BPIFB2: variants seen among roughly 807,000 people sequenced by gnomAD.
The protein encoded by BPIFB2 is BPI fold-containing family B member 2.
In BPIFB2, 39 loss-of-function variants were observed where a neutral mutation model predicts 50.1. The observed-to-expected ratio is 0.78, with a 90% CI of 0.60 to 1.02. The LOEUF (loss-of-function observed/expected upper bound fraction) is 1.02. Among genes scored for constraint, BPIFB2 ranks in the 50% least tolerant of loss-of-function variants. The pLI is 0.00. For synonymous variants in BPIFB2, 280 were observed against 256.3 expected (o/e 1.09, Z -0.88); for missense variants, 574 against 585.8 (o/e 0.98, Z 0.21).
rs1194667869 is a variant in BPIFB2 at position 33,019,070 on chromosome 20, T to A, written c.864T>A (p.Asp288Glu). 7 of 1,614,032 alleles carry A rather than the reference T, an allele frequency of 4.3e-6. No individual in the cohort carries two copies. The highest frequency in any genetic ancestry group is 5.9e-6 in the Non-Finnish European group (7 of 1,180,030). ...TGGGGTGCTGATTTCAGAGGTCGGA[T>A]GACAACCTGCTGAACACCTCTGCTC... ...NLDITGQLRS[D>E]DNLLNTSALG... Residue 288 changes from aspartate (D) to glutamate (E), a missense_variant, in exon 10 of 16, where the codon GAT becomes GAA. Asp to Glu is a conservative substitution (Grantham distance 45). Transcript: ENST00000170150.
In BPIFB2 at chr20:33,020,356, T is replaced by C; in HGVS notation, c.1109T>C (p.Val370Ala). Residue 370 changes from valine (V) to alanine (A), a missense_variant, in exon 12 of 16, where the codon GTG becomes GCG. Coordinates refer to ENST00000170150, the MANE Select transcript of BPIFB2 (RefSeq NM_025227.3). ...GTGAACTTGAGACTCCAGCTCTCTG[T>C]GTCCAAGGTGAAGCTTCAGGGGACC... Reference protein sequence around the residue: ...VVVNLRLQLSVSKVKLQGTTS... With the variant: ...VVVNLRLQLSASKVKLQGTTS... The C allele has an allele frequency of 6.2e-7, 1 of 1,614,146 alleles. No individual in the cohort carries two copies. Among genetic ancestry groups the C allele is most frequent in the Non-Finnish European group, 8.5e-7 (1 of 1,180,006 alleles).
rs899854798 is a variant in BPIFB2, at chr20:33,023,659, T to G, written c.*276T>G. Reference sequence around the variant, plus strand: ...GGGAGCAGACTGCTCCTCCAGGCTGTATAGACCTGCCCTCTTGCATTAAAC... The same window carrying G: ...GGGAGCAGACTGCTCCTCCAGGCTGGATAGACCTGCCCTCTTGCATTAAAC... On this transcript the variant is annotated 3_prime_UTR_variant, in exon 16 of 16. Transcript: ENST00000170150. 1.8e-6 allele frequency: 1 copy of G among 554,376 alleles called. No homozygotes were observed. Among genetic ancestry groups the G allele is most frequent in the Non-Finnish European group, 3.3e-6 (1 of 307,510 alleles). 34.3% of individuals were successfully genotyped at this position (554,376 alleles called of 1,614,324 possible).
In BPIFB2 at chr20:33,009,144, G is replaced by A. The variant is rs1011464290; in HGVS notation, c.109+461G>A. ...GTATGTGGTGTGTGCACGCACGTGT[G>A]TTCTTGGGAGAGGTCTGTCTAGCAC... is the stretch of plus-strand genomic sequence containing the variant. On this transcript the variant is annotated intron_variant, in intron 2 of 15. Coordinates refer to ENST00000170150, the MANE Select transcript of BPIFB2 (RefSeq NM_025227.3). This position sits in a 1 kb window ranked among gnomAD's most constrained non-coding sequence, Gnocchi z 4.2. 9.9e-5 allele frequency among the ~76,000 whole-genome samples: 15 copies of A among 152,176 alleles called. No individual in the cohort carries two copies. Among genetic ancestry groups the A allele is most frequent in the Non-Finnish European group, 1.8e-4 (12 of 68,030 alleles).
At chr20:33,021,238 C>T in intron 13 of BPIFB2, 43 bp from the exon 14 acceptor site, 1 of 1,605,880 alleles carries the variant, frequency 6.2e-7, no homozygotes. Context: ...TCTCCTGGCC[C>T]CTCGGCTGGG....
chr20:33,021,613 A>T (rs1978675414), intron 14 of BPIFB2, 110 bp from the exon 15 acceptor site: 2 of 1,160,652 alleles, frequency 1.7e-6, no homozygotes, highest in Admixed American at 1.8e-5. Flanking sequence ...GTATAACAAT[A>T]ATGGCATCCA....
In BPIFB2 at chr20:33,018,324, A is replaced by G. The variant is rs764051345; in HGVS notation, c.643A>G (p.Ser215Gly). ...YSMVSVPTVT[S>G]DYISLEVNAV... The stretch of plus-strand genomic sequence containing the variant: ...CATGGTCAGTGTGCCCACTGTCACC[A>G]GTGACTACATTTCCCTGGAAGTCAA... Residue 215 changes from serine to glycine, a missense_variant, in exon 8 of 16, where the codon AGT becomes GGT. By Grantham distance (56) the Ser-to-Gly change is moderately conservative. Transcript: ENST00000170150. 5 of 1,613,914 alleles carry G rather than the reference A, an allele frequency of 3.1e-6. No individual in the cohort carries two copies. The East Asian group carries it at 8.9e-5, about 29-fold the overall frequency.
rs1990260223 is a variant in BPIFB2, at chr20:33,009,640, G to A, written c.109+957G>A. Among the ~76,000 whole-genome samples the A allele has an allele frequency of 6.6e-6, 1 of 152,238 alleles. No individual in the cohort carries two copies. The highest frequency in any genetic ancestry group is 2.1e-4 in the South Asian group (1 of 4,836). ...GATGGGCAGGCAATGAAAGGGGTCA[G>A]TGATCCGTGCCAGAGCATGACATGG... On this transcript the variant is annotated intron_variant, in intron 2 of 15. Transcript: ENST00000170150. The surrounding 1 kb of genome is among the most constrained non-coding windows in gnomAD (Gnocchi z 4.2).
intron 2 of BPIFB2, among the ~76,000 whole-genome samples, 176 bp from the exon 3 acceptor site, chr20:33,010,848 G>T (rs964539686): frequency 7.9e-5 from 12 of 152,210 alleles, no homozygotes; most frequent in East Asian, 5.8e-4. Flanking sequence ...TGCGAGTGGT[G>T]CACCCAAGGT....
rs1031559844 is a variant in BPIFB2 at position 33,013,002 on chromosome 20, C to T, written c.308+95C>T. 5.1e-6 allele frequency: 5 copies of T among 972,768 alleles called. No individual in the cohort carries two copies. The African/African-American group carries it at 6.4e-5, about 12-fold the overall frequency. The allele number at this position is 972,768 out of a possible 1,614,324, so 60.3% of individuals were successfully genotyped here. A position where few individuals can be genotyped will look rare whatever the true frequency, so the allele number is the denominator to read the frequency against. Reference sequence around the variant, plus strand: ...GGGGGGTAGCAACTCCTCCAGGGCCCTCATCCAGGCCTCTTGACTCTCTGT... The same window carrying T: ...GGGGGGTAGCAACTCCTCCAGGGCCTTCATCCAGGCCTCTTGACTCTCTGT... On this transcript the variant is annotated intron_variant, in intron 4 of 15. Transcript: ENST00000170150.
chr20:33,008,884 A>G (rs1240429904), intron 2 of BPIFB2, among the ~76,000 whole-genome samples: 2 of 152,234 alleles, frequency 1.3e-5, no homozygotes, highest in African/African-American at 2.4e-5. Context: ...AGGGGGGAGT[A>G]CGTCATGTGG....
intron 6 of BPIFB2, 106 bp downstream of exon 6, chr20:33,015,602 A>T: frequency 1.0e-5 from 5 of 486,522 alleles, no homozygotes; most frequent in Non-Finnish European, 1.5e-5. Flanking sequence ...TTGGGATTAA[A>T]AAAAAAAAAA....
rs1161524947 is a variant in BPIFB2 at position 33,009,610 on chromosome 20, GGGCTGATGGGCA to G, written c.109+931_109+942del. ...CACAGCCTTCCGGGACCTCATATCC[GGGCTGATGGGCA>G]GGCAATGAAAGGGGTCAGTGATCCG... On this transcript the variant is annotated intron_variant, in intron 2 of 15. Coordinates refer to ENST00000170150, the MANE Select transcript of BPIFB2 (RefSeq NM_025227.3). This position sits in a 1 kb window ranked among gnomAD's most constrained non-coding sequence, Gnocchi z 4.2. Among the ~76,000 whole-genome samples the G allele has an allele frequency of 2.0e-5, 3 of 152,182 alleles. No homozygotes were observed. The highest frequency in any genetic ancestry group is 7.2e-5 in the African/African-American group (3 of 41,438).
At chr20:33,008,952 G>C (rs1990249992) in intron 2 of BPIFB2, among the ~76,000 whole-genome samples, 1 of 152,204 alleles carries the variant, frequency 6.6e-6, no homozygotes, top group South Asian at 2.1e-4. Context: ...GTGGGCATAG[G>C]TCGGTTTGAG....
At chr20:33,015,200 A>C (rs1391574573) in intron 5 of BPIFB2, among the ~76,000 whole-genome samples, 2 of 152,128 alleles carry the variant, frequency 1.3e-5, no homozygotes. Flanking sequence ...CACGCGCCAC[A>C]TTCTTGGCCA....
intron 3 of BPIFB2, among the ~76,000 whole-genome samples, chr20:33,012,258 T>G (rs1014543315): frequency 2.0e-5 from 3 of 152,212 alleles, no homozygotes; most frequent in African/African-American, 7.2e-5. Flanking sequence ...GGCTCTTGTT[T>G]GTAGACACAG....
At chr20:33,013,691 G>T in intron 4 of BPIFB2, 119 bp from the exon 5 acceptor site, 1 of 1,403,264 alleles carries the variant, frequency 7.1e-7, no homozygotes, top group East Asian at 2.3e-5. Context: ...TGGGAGTGGG[G>T]GGCCTGCCTG....
rs78767145 is a variant in BPIFB2 at position 33,013,029 on chromosome 20, C to T, written c.308+122C>T. 2.2e-3 allele frequency: 1,653 copies of T among 734,780 alleles called. 30 individuals are homozygous for T. The East Asian group carries it at 0.034, about 15-fold the overall frequency. The allele number at this position is 734,780 out of a possible 1,614,324, so 45.5% of individuals were successfully genotyped here. Reference sequence around the variant, plus strand: ...CATCCAGGCCTCTTGACTCTCTGTCCAGTTGCTCTCTCTCCCCTCACGCTT... The same window carrying T: ...CATCCAGGCCTCTTGACTCTCTGTCTAGTTGCTCTCTCTCCCCTCACGCTT... On this transcript the variant is annotated intron_variant, in intron 4 of 15. Transcript: ENST00000170150.
At position 33,020,387 on chromosome 20, in the gene BPIFB2, T is replaced by G. The variant is rs374246192; in HGVS notation, c.1140T>G (p.Ser380=). 1 of 1,614,118 alleles carries G rather than the reference T, an allele frequency of 6.2e-7. No homozygotes were observed. Among genetic ancestry groups the G allele is most frequent in the Admixed American group, 1.7e-5 (1 of 60,016 alleles). Residue 380 remains serine, a synonymous_variant, in exon 12 of 16, where the codon TCT becomes TCG. Transcript: ENST00000170150. The part of the protein sequence containing the change: ...VSKVKLQGTT[S]VLGDVQLTVA... ...AGGTGAAGCTTCAGGGGACCACGTCTGTGCTGGGGTAAACGAGCCCACCTG... is the reference window on the plus strand; with the variant it reads ...AGGTGAAGCTTCAGGGGACCACGTCGGTGCTGGGGTAAACGAGCCCACCTG...
At position 33,011,022 on chromosome 20, in the gene BPIFB2, A is replaced by G; in HGVS notation, c.110-2A>G. The G allele has an allele frequency of 1.2e-6, 2 of 1,613,696 alleles. No homozygotes were observed. Among genetic ancestry groups the G allele is most frequent in the Non-Finnish European group, 1.7e-6 (2 of 1,179,750 alleles). On this transcript the variant is annotated splice_acceptor_variant, in intron 2 of 15. Coordinates refer to ENST00000170150, the MANE Select transcript of BPIFB2 (RefSeq NM_025227.3). LOFTEE classifies it high-confidence loss of function. ...TGACCTCACTCTACCCTGGCCCCAC[A>G]GTGTCTGAAATTGGGAAAGCCCCTC...
Sources: allele counts gnomAD v4.1 joint callset (sites outside exome capture counted in the v4.1 genomes callset), GRCh38; gene constraint gnomAD v4.1.1; non-coding constraint Gnocchi (gnomAD v3.1); transcripts MANE v1.5; gene names NCBI Gene and HGNC (gene_info 2026-07-23, HGNC 2026-07-21).